The following GNE variants were observed in gnomAD, a reference collection of about 807,000 sequenced individuals.
GNE encodes bifunctional UDP-N-acetylglucosamine 2-epimerase/N-acetylmannosamine kinase.
In GNE, 41 loss-of-function variants were observed where a neutral mutation model predicts 61.8. That is an observed-to-expected ratio of 0.66 (90% CI 0.52 to 0.86). The LOEUF (loss-of-function observed/expected upper bound fraction) is 0.86, where lower values mean the gene tolerates loss of function less well. GNE is among the 40% of genes least tolerant of loss of function. The pLI is 0.00. For missense variants in GNE, 608 were observed against 909.1 expected, an observed-to-expected ratio of 0.67 and a Z score of 4.26; for synonymous variants, 264 against 326.4, an observed-to-expected ratio of 0.81 and a Z score of 2.06.
intron 1 of GNE, among the ~76,000 whole-genome samples, chr9:36,257,801 T>TAAAAAAAAAAAA (rs1563955404): frequency 1.9e-4 from 1 of 5,362 alleles, no homozygotes; most frequent in African/African-American, 7.1e-4. Flanking sequence ...AGACTCAGTC[T>TAAAAAAAAAAAA]CAAAAAAAAA....
At chr9:36,221,924 C>T (rs1444896306) in intron 9 of GNE, among the ~76,000 whole-genome samples, 1 of 152,176 alleles carries the variant, frequency 6.6e-6, no homozygotes, top group African/African-American at 2.4e-5. Context: ...AACAACAGTC[C>T]ACACTCCCAG....
At chr9:36,258,229 G>C (rs894804396) in intron 1 of GNE, 92 bp downstream of exon 1, 3 of 717,066 alleles carry the variant, frequency 4.2e-6, no homozygotes, top group Non-Finnish European at 5.1e-6. Flanking sequence ...AGCGGCCGGG[G>C]AGGGGAGGCC....
intron 10 of GNE, 25 bp downstream of exon 10, chr9:36,219,813 A>G: frequency 6.2e-7 from 1 of 1,603,580 alleles, no homozygotes; most frequent in Non-Finnish European, 8.5e-7. Flanking sequence ...TTGGTTACTT[A>G]ATTCCTCGAG....
chr9:36,272,960 C>G (rs2133201563), intron 1 of GNE, among the ~76,000 whole-genome samples: 1 of 149,096 alleles, frequency 6.7e-6, no homozygotes, highest in South Asian at 2.1e-4. Flanking sequence ...TGGCGTGCGC[C>G]TGTAGTCCCA....
chr9:36,246,752 T>C (rs1288161752), intron 2 of GNE, among the ~76,000 whole-genome samples: 1 of 150,942 alleles, frequency 6.6e-6, no homozygotes, highest in Non-Finnish European at 1.5e-5. Flanking sequence ...CACTGCAACT[T>C]CTGCCTCCCG....
At chr9:36,249,159 G>T in intron 2 of GNE, 33 bp downstream of exon 2, 1 of 1,540,716 alleles carries the variant, frequency 6.5e-7, no homozygotes, top group Non-Finnish European at 9.0e-7. Context: ...GCACACTGTT[G>T]CAATGAAGAA....
At chr9:36,260,868 C>CAAAAAAAAAA (rs745821430), upstream of GNE, among the ~76,000 whole-genome samples, 1 of 96,038 alleles carries the variant, frequency 1.0e-5, no homozygotes, top group East Asian at 4.0e-4. Context: ...GACTCTATCT[C>CAAAAAAAAAA]AAAAAAAAAA....
chr9:36,275,009 C>T (rs1831210196), intron 1 of GNE, among the ~76,000 whole-genome samples: 1 of 152,206 alleles, frequency 6.6e-6, no homozygotes, highest in South Asian at 2.1e-4. Flanking sequence ...CAGGCGCGAG[C>T]CACCGCACCC....
intron 3 of GNE, among the ~76,000 whole-genome samples, chr9:36,243,775 G>C (rs1174800669): frequency 6.6e-6 from 1 of 152,110 alleles, no homozygotes; most frequent in Non-Finnish European, 1.5e-5. Context: ...AGCCCAGGAG[G>C]ACAAGACTGC....
rs1554660119 is a variant in GNE at position 36,229,099 on chromosome 9, A to C, written c.992T>G (p.Val331Gly). 1 of 1,597,996 alleles carries C rather than the reference A, an allele frequency of 6.3e-7. No homozygotes were observed. The highest frequency in any genetic ancestry group is 8.6e-7 in the Non-Finnish European group (1 of 1,165,320). The change falls in exon 6 of 12, where the codon GTT (valine) becomes GGT (glycine). Residue 331 changes from valine (V) to glycine (G), a missense_variant. Physicochemically the swap from Val to Gly is moderately radical, Grantham distance 109. Coordinates refer to ENST00000642385, the MANE Select transcript of GNE (RefSeq NM_005476.7). ...GGTGTCAGCATCCCGGACATGAAGA[A>C]CATTCTCCCCTAGGTAAAACCAGTG... is the stretch of plus-strand genomic sequence containing the variant. ...RQIGRETGEN[V>G]LHVRDADTQD... is the part of the protein sequence containing the mutation.
chr9:36,251,926 A>G (rs1256781115), intron 1 of GNE, among the ~76,000 whole-genome samples: 3 of 151,966 alleles, frequency 2.0e-5, no homozygotes, highest in African/African-American at 7.3e-5. Context: ...CACTTACAAT[A>G]TAACGAAACG....
intron 1 of GNE, among the ~76,000 whole-genome samples, chr9:36,253,486 C>CAGGCCAGTCTCAA (rs1325712707): frequency 6.6e-6 from 1 of 151,116 alleles, no homozygotes; most frequent in Non-Finnish European, 1.5e-5. Flanking sequence ...CCATGTTGTC[C>CAGGCCAGTCTCAA]AGGCCAGTCT....
chr9:36,265,583 C>A, intron 1 of GNE: 1 of 425,404 alleles, frequency 2.4e-6, no homozygotes, highest in South Asian at 1.6e-5. Context: ...TGGTAAGTAT[C>A]TCACCCCATA....
intron 3 of GNE, among the ~76,000 whole-genome samples, chr9:36,243,384 C>G (rs1829730814): frequency 6.6e-6 from 1 of 152,154 alleles, no homozygotes; most frequent in Non-Finnish European, 1.5e-5. Context: ...TTCAGTGATA[C>G]AAGTTTTCCA....
intron 3 of GNE, among the ~76,000 whole-genome samples, chr9:36,242,707 C>T (rs1021234788): frequency 3.4e-5 from 5 of 148,524 alleles, no homozygotes; most frequent in Non-Finnish European, 7.4e-5. Context: ...TGTGAGCCAC[C>T]GCATCTGGCC....
intron 1 of GNE, among the ~76,000 whole-genome samples, chr9:36,266,691 C>G (rs1433000978): frequency 1.3e-5 from 2 of 152,146 alleles, no homozygotes; most frequent in Admixed American, 6.5e-5. Context: ...AGGCGGATCA[C>G]AAGGTCAGGA....
chr9:36,227,757 T>C (rs1025761764), intron 6 of GNE, among the ~76,000 whole-genome samples: 2 of 152,028 alleles, frequency 1.3e-5, no homozygotes, highest in Non-Finnish European at 2.9e-5. Flanking sequence ...ATAAATAGGC[T>C]GGGTGCAGTG....
intron 3 of GNE, 60 bp downstream of exon 3, chr9:36,245,971 T>A: frequency 3.1e-6 from 4 of 1,308,780 alleles, no homozygotes. Context: ...AGGATTGAAA[T>A]AGACGGAACA....
chr9:36,218,549 C>T lies in GNE; in HGVS notation c.1817-250G>A, dbSNP rs1049052699. ...TCAAGTCTGACGACAGCCTCCTACCCCTCTGGCTCCCTCACTTCTCACTTC... is the reference window on the plus strand; with the variant it reads ...TCAAGTCTGACGACAGCCTCCTACCTCTCTGGCTCCCTCACTTCTCACTTC... On this transcript the variant is annotated intron_variant, in intron 10 of 11. Coordinates refer to ENST00000642385, the MANE Select transcript of GNE (RefSeq NM_005476.7). This position sits in a 1 kb window ranked among gnomAD's most constrained non-coding sequence, Gnocchi z 4.1. 6.6e-6 allele frequency among the ~76,000 whole-genome samples: 1 copy of T among 152,228 alleles called. No homozygotes were observed. Among genetic ancestry groups the T allele is most frequent in the Admixed American group, 6.5e-5 (1 of 15,284 alleles).
Sources: gnomAD v4.1 joint callset for allele counts (sites outside exome capture counted in the v4.1 genomes callset) on GRCh38, gnomAD v4.1.1 for gene constraint, Gnocchi (gnomAD v3.1) non-coding constraint, MANE v1.5 for transcripts, NCBI Gene and HGNC (gene_info 2026-07-23, HGNC 2026-07-21) for gene names.